The following ROBO1 variants were observed in gnomAD, a reference collection of about 807,000 sequenced individuals.
ROBO1 encodes the protein roundabout guidance receptor 1, also known as roundabout homolog 1.
A neutral mutation model predicts 195.9 loss-of-function variants in ROBO1; 149 were observed. That is an observed-to-expected ratio of 0.76 (90% CI 0.67 to 0.87). ROBO1 has a LOEUF of 0.87. Ranked by LOEUF, ROBO1 falls within the 40% of genes least tolerant of loss-of-function variation. The pLI is 0.00. For synonymous variants in ROBO1, 816 were observed against 733.2 expected (o/e 1.11, Z -1.82); for missense variants, 1,933 against 2,068.3 (o/e 0.93, Z 1.27).
At chr3:78,786,633 A>G (rs2108505758) in intron 4 of ROBO1, among the ~76,000 whole-genome samples, 1 of 151,978 alleles carries the variant, frequency 6.6e-6, no homozygotes, top group African/African-American at 2.4e-5. Context: ...CTCCTTCACT[A>G]ATGATAGTGA....
intron 2 of ROBO1, among the ~76,000 whole-genome samples, chr3:79,412,152 T>C (rs2037794102): frequency 6.6e-6 from 1 of 152,136 alleles, no homozygotes; most frequent in Non-Finnish European, 1.5e-5. Context: ...GATGCTGTTT[T>C]TCCCATAAAT....
At chr3:79,612,112 C>T (rs1458544081) in intron 1 of ROBO1, among the ~76,000 whole-genome samples, 7 of 150,802 alleles carry the variant, frequency 4.6e-5, no homozygotes, top group Non-Finnish European at 7.4e-5. Flanking sequence ...ATGTGCCATG[C>T]TGGTGCGCTG....
chr3:79,405,836 AAATTGTTTTC>A (rs2037525571), intron 2 of ROBO1, among the ~76,000 whole-genome samples: 1 of 148,034 alleles, frequency 6.8e-6, no homozygotes, highest in Non-Finnish European at 1.5e-5. Flanking sequence ...AGGATGAAAC[AAATTGTTTTC>A]AACAAAAAAT....
At chr3:79,696,692 G>T (rs1947459937) in intron 1 of ROBO1, among the ~76,000 whole-genome samples, 1 of 151,278 alleles carries the variant, frequency 6.6e-6, no homozygotes, top group South Asian at 2.1e-4. Context: ...ATGGCACCTG[G>T]ATAAATTACC....
At chr3:78,691,333 C>T (rs1193807466) in intron 8 of ROBO1, among the ~76,000 whole-genome samples, 1 of 151,838 alleles carries the variant, frequency 6.6e-6, no homozygotes, top group Non-Finnish European at 1.5e-5. Flanking sequence ...AATACATAAT[C>T]AGGTTACCAA....
Position 79,079,620 on chromosome 3 carries a change from C to T in ROBO1, c.172+45836G>A, listed in dbSNP as rs888729650. On this transcript the variant is annotated intron_variant, in intron 3 of 30. Coordinates refer to ENST00000464233, the MANE Select transcript of ROBO1 (RefSeq NM_002941.4). ...TTTGATAAAATGTGTTCAATATCCACTTCATTATTTTCTGATCTGGTATAA... is the reference window on the plus strand; with the variant it reads ...TTTGATAAAATGTGTTCAATATCCATTTCATTATTTTCTGATCTGGTATAA... Among the ~76,000 whole-genome samples, 3 of 151,666 alleles carry T rather than the reference C, an allele frequency of 2.0e-5. No homozygotes were observed. The Admixed American group carries it at 2.0e-4, about 10-fold the overall frequency.
intron 2 of ROBO1, among the ~76,000 whole-genome samples, chr3:79,422,279 T>A (rs2038259311): frequency 6.6e-6 from 1 of 151,462 alleles, no homozygotes; most frequent in Non-Finnish European, 1.5e-5. Flanking sequence ...ATTAACCTAG[T>A]GCAACTAAGT....
At chr3:79,695,013 T>C (rs1251880196) in intron 1 of ROBO1, among the ~76,000 whole-genome samples, 1 of 151,568 alleles carries the variant, frequency 6.6e-6, no homozygotes. Context: ...GGAAAATCTG[T>C]CATTTTAAAA....
chr3:79,006,197 C>A (rs1291331737), intron 3 of ROBO1, among the ~76,000 whole-genome samples: 1 of 152,080 alleles, frequency 6.6e-6, no homozygotes, highest in Non-Finnish European at 1.5e-5. Context: ...AAAGAATAAA[C>A]ATAAACAGTA....
At chr3:78,889,075 T>C (rs2036733947) in intron 4 of ROBO1, among the ~76,000 whole-genome samples, 1 of 152,208 alleles carries the variant, frequency 6.6e-6, no homozygotes, top group South Asian at 2.1e-4. Flanking sequence ...AACATGATCT[T>C]ACCTTCATAG....
At chr3:78,688,857 G>A (rs1019665790) in intron 8 of ROBO1, 85 bp from the exon 9 acceptor site, 10 of 1,324,374 alleles carry the variant, frequency 7.6e-6, no homozygotes, top group Non-Finnish European at 9.1e-6. Context: ...TCTAAGTGCT[G>A]CTGTTATTTT....
intron 2 of ROBO1, among the ~76,000 whole-genome samples, chr3:79,406,888 A>T (rs1401239826): frequency 6.6e-6 from 1 of 152,002 alleles, no homozygotes. Context: ...AAGTAGAAAC[A>T]TGGAATTACC....
chr3:78,769,671 C>T (rs1268339619), intron 4 of ROBO1, among the ~76,000 whole-genome samples: 5 of 127,738 alleles, frequency 3.9e-5, no homozygotes, highest in Admixed American at 1.8e-4. Flanking sequence ...TCTATAGTTC[C>T]TGTGTGATTT....
chr3:79,184,418 G>A (rs1056222543), intron 2 of ROBO1, among the ~76,000 whole-genome samples: 2 of 152,112 alleles, frequency 1.3e-5, no homozygotes, highest in African/African-American at 4.8e-5. Context: ...GCTGTCAACT[G>A]AACTAGTACA....
chr3:78,714,717 T>C (rs2081857648), intron 7 of ROBO1, 193 bp from the exon 8 acceptor site: 1 of 443,716 alleles, frequency 2.3e-6, no homozygotes, highest in Admixed American at 4.3e-5. Context: ...ACTAACATAT[T>C]AAACTACTTT....
rs373381687 is a variant in ROBO1, at chr3:78,687,685, C to T, written c.1170+963G>A. ...TTTCACCCAGGCTGGAGTGCAGTGA[C>T]GCAATCAGAGGTCTCTGCAGTCTCT... On this transcript the variant is annotated intron_variant, in intron 9 of 30. Coordinates refer to ENST00000464233, the MANE Select transcript of ROBO1 (RefSeq NM_002941.4). 4.4e-4 allele frequency among the ~76,000 whole-genome samples: 67 copies of T among 152,268 alleles called. 1 individual carries two copies. Among genetic ancestry groups the T allele is most frequent in the South Asian group, 3.3e-3 (16 of 4,828 alleles).
intron 2 of ROBO1, among the ~76,000 whole-genome samples, chr3:79,135,521 G>A (rs1017843143): frequency 6.6e-6 from 1 of 152,002 alleles, no homozygotes; most frequent in African/African-American, 2.4e-5. Context: ...ATACACACGT[G>A]GAATAATTAA....
chr3:78,749,440 A>G (rs1465168810), intron 4 of ROBO1, among the ~76,000 whole-genome samples: 1 of 152,184 alleles, frequency 6.6e-6, no homozygotes, highest in East Asian at 1.9e-4. Flanking sequence ...GTAATCCATT[A>G]AAAACTGTTG....
intron 2 of ROBO1, among the ~76,000 whole-genome samples, chr3:79,535,609 A>T (rs1458748674): frequency 6.6e-6 from 1 of 152,166 alleles, no homozygotes; most frequent in African/African-American, 2.4e-5. Flanking sequence ...AGTTATGAGC[A>T]TGATGTCAAT....
Sources: allele counts gnomAD v4.1 joint callset (sites outside exome capture counted in the v4.1 genomes callset), GRCh38; gene constraint gnomAD v4.1.1; transcripts MANE v1.5; gene names NCBI Gene and HGNC (gene_info 2026-07-23, HGNC 2026-07-21).